SESN2: variants seen among roughly 807,000 people sequenced by gnomAD.
SESN2 encodes the protein sestrin-2.
A neutral mutation model predicts 56.0 loss-of-function variants in SESN2; 42 were observed. The observed-to-expected ratio is 0.75, with a 90% CI of 0.59 to 0.97. The LOEUF is 0.97. Ranked by LOEUF, SESN2 falls within the 50% of genes least tolerant of loss-of-function variation. SESN2 has a pLI of 0.00. For synonymous variants in SESN2, 264 were observed against 267.1 expected (o/e 0.99, Z 0.11); for missense variants, 507 against 649.4 (o/e 0.78, Z 2.38).
intron 1 of SESN2, among the ~76,000 whole-genome samples, chr1:28,262,168 A>G (rs1039921031): frequency 1.3e-5 from 2 of 152,156 alleles, no homozygotes; most frequent in Non-Finnish European, 2.9e-5. Context: ...CTTAGAAGAC[A>G]GCAGGGTGCT....
chr1:28,272,193 A>G, intron 3 of SESN2, 91 bp from the exon 4 acceptor site: 1 of 1,316,318 alleles, frequency 7.6e-7, no homozygotes, highest in Non-Finnish European at 1.1e-6. Context: ...GGGAACAGTG[A>G]GCCCTACAAC....
chr1:28,260,712 C>G (rs534650909), intron 1 of SESN2, among the ~76,000 whole-genome samples: 8 of 152,184 alleles, frequency 5.3e-5, no homozygotes, highest in East Asian at 3.9e-4. Context: ...CCTCCACCCC[C>G]CCGCATTCGC....
intron 1 of SESN2, among the ~76,000 whole-genome samples, chr1:28,260,776 C>A (rs1023482591): frequency 1.3e-5 from 2 of 151,866 alleles, no homozygotes; most frequent in African/African-American, 4.8e-5. Context: ...TAGGCTGGAC[C>A]TAACCAGACT....
intron 2 of SESN2, 86 bp downstream of exon 2, chr1:28,269,334 T>G (rs1253055650): frequency 5.9e-6 from 5 of 854,410 alleles, no homozygotes; most frequent in Admixed American, 2.7e-5. Flanking sequence ...TCCTGTTCTT[T>G]AAATTGCAGC....
chr1:28,272,488 G>A (rs747588105), intron 4 of SESN2, 22 bp downstream of exon 4: 7 of 1,609,986 alleles, frequency 4.3e-6, no homozygotes, highest in Non-Finnish European at 5.9e-6. Context: ...AGAGAGGCGG[G>A]TGTCTGAGGG....
chr1:28,279,805 G>A (rs1648171810), intron 9 of SESN2, among the ~76,000 whole-genome samples: 1 of 151,836 alleles, frequency 6.6e-6, no homozygotes, highest in Non-Finnish European at 1.5e-5. Flanking sequence ...GACTTCCAAA[G>A]TGCTGAGATT....
chr1:28,267,607 G>A (rs928823319), intron 1 of SESN2, among the ~76,000 whole-genome samples: 4 of 152,114 alleles, frequency 2.6e-5, no homozygotes, highest in African/African-American at 9.7e-5. Flanking sequence ...TCTGATTTGG[G>A]TAAACTGTAA....
intron 2 of SESN2, among the ~76,000 whole-genome samples, chr1:28,271,303 A>C (rs1213473329): frequency 6.6e-6 from 1 of 152,230 alleles, no homozygotes; most frequent in East Asian, 1.9e-4. Context: ...CAGTGTTAGA[A>C]TAGACACTCC....
chr1:28,268,299 GT>G (rs777233993), intron 1 of SESN2, among the ~76,000 whole-genome samples: 1 of 152,112 alleles, frequency 6.6e-6, no homozygotes, highest in Non-Finnish European at 1.5e-5. Context: ...TGTAATCCCA[GT>G]GCTTTGGGAG....
intron 8 of SESN2, among the ~76,000 whole-genome samples, chr1:28,277,665 G>C (rs1290152310): frequency 2.0e-5 from 3 of 151,520 alleles, no homozygotes; most frequent in Non-Finnish European, 4.4e-5. Flanking sequence ...TTTTTTTCCT[G>C]CCTTTCTCAC....
Position 28,271,820 on chromosome 1 carries a change from G to A in SESN2, c.303G>A (p.Leu101=). 1 of 1,614,192 alleles carries A rather than the reference G, an allele frequency of 6.2e-7. No individual in the cohort carries two copies. The highest frequency in any genetic ancestry group is 1.1e-5 in the South Asian group (1 of 91,084). The change falls in exon 3 of 10, where the codon CTG becomes CTA. Residue 101 remains leucine (L), a synonymous_variant. Coordinates refer to ENST00000253063, the MANE Select transcript of SESN2 (RefSeq NM_031459.5). ...TSFWRLHYLL[L]HTDGPLASSW... is the part of the protein sequence containing the mutation. Reference sequence around the variant, plus strand: ...TCTGGCGCCTGCACTACCTGCTGCTGCACACGGATGGTCCCTTGGCCAGCT... The same window carrying A: ...TCTGGCGCCTGCACTACCTGCTGCTACACACGGATGGTCCCTTGGCCAGCT...
chr1:28,264,562 CT>C (rs35864328), intron 1 of SESN2, among the ~76,000 whole-genome samples: 54,573 of 151,996 alleles, frequency 0.36, 10,897 homozygotes, highest in African/African-American at 0.53. Flanking sequence ...CTGTGTTGCA[CT>C]TTTCTTGTTC....
rs1452228769 is a variant in SESN2 at position 28,274,986 on chromosome 1, G to A, written c.1182G>A (p.Trp394Ter). ...VDTSVLRRAI[W>*]NYIHCVFGIR... ...CCTCCGTGCTCCGCAGGGCCATCTG[G>A]AACTATATCCACTGCGTCTTTGGCA... The change falls in exon 8 of 10, where the codon TGG becomes TGA. Residue 394 changes from tryptophan (W) to a stop codon, truncating the protein, a stop_gained. Transcript: ENST00000253063. LOFTEE classifies it high-confidence loss of function. 3 of 1,613,792 alleles carry A rather than the reference G, an allele frequency of 1.9e-6. No individual in the cohort carries two copies. The highest frequency in any genetic ancestry group is 2.5e-6 in the Non-Finnish European group (3 of 1,179,820).
chr1:28,274,454 C>T (rs1221022102), intron 7 of SESN2, among the ~76,000 whole-genome samples: 1 of 152,066 alleles, frequency 6.6e-6, no homozygotes, highest in African/African-American at 2.4e-5. Context: ...ATCACTTGAG[C>T]TGGGAGATCA....
chr1:28,265,553 C>T (rs2149036567), intron 1 of SESN2, among the ~76,000 whole-genome samples: 1 of 152,258 alleles, frequency 6.6e-6, no homozygotes, highest in African/African-American at 2.4e-5. Context: ...ACCACCATGC[C>T]TGGCTAATTT....
intron 7 of SESN2, among the ~76,000 whole-genome samples, chr1:28,274,508 G>A (rs1053365733): frequency 3.3e-5 from 5 of 151,902 alleles, no homozygotes; most frequent in African/African-American, 1.2e-4. Flanking sequence ...TCCAGCCTGG[G>A]TGACAGCAAG....
At position 28,273,417 on chromosome 1, in the gene SESN2, G is replaced by C; in HGVS notation, c.810G>C (p.Glu270Asp). The change falls in exon 6 of 10, where the codon GAG becomes GAC. Residue 270 changes from glutamate (E) to aspartate (D), a missense_variant. By Grantham distance (45) the Glu-to-Asp change is conservative. Transcript: ENST00000253063. The part of the protein sequence containing the change: ...ALMERMQQLQ[E>D]SLLRDEGTSQ... ...TGGAGCGCATGCAGCAGCTGCAGGA[G>C]AGCCTGCTGCGGGATGAGGGGACGT... is the stretch of plus-strand genomic sequence containing the variant. The C allele has an allele frequency of 1.2e-6, 2 of 1,611,436 alleles. No homozygotes were observed. The highest frequency in any genetic ancestry group is 1.7e-6 in the Non-Finnish European group (2 of 1,179,330).
intron 8 of SESN2, among the ~76,000 whole-genome samples, chr1:28,277,148 C>T (rs1648080976): frequency 6.7e-6 from 1 of 150,010 alleles, no homozygotes; most frequent in South Asian, 2.1e-4. Context: ...ACCTCATGAT[C>T]CGCCCACCTT....
At chr1:28,271,911 G>T (rs780219048) in intron 3 of SESN2, 40 bp downstream of exon 3, 7 of 1,589,154 alleles carry the variant, frequency 4.4e-6, no homozygotes, top group Non-Finnish European at 6.0e-6. Flanking sequence ...AGGTGGCTTT[G>T]TGGTGGGTTC....
Sources: gnomAD v4.1 joint callset for allele counts (sites outside exome capture counted in the v4.1 genomes callset) on GRCh38, gnomAD v4.1.1 for gene constraint, MANE v1.5 for transcripts, NCBI Gene and HGNC (gene_info 2026-07-23, HGNC 2026-07-21) for gene names.